NOSTRIN: variants seen among roughly 807,000 people sequenced by gnomAD.
NOSTRIN encodes nitric oxide synthase trafficking, also known as BM247 homolog.
NOSTRIN carries 63 observed loss-of-function variants against 59.0 expected under a neutral mutation model. The ratio of observed to expected loss-of-function variants is 1.07; its 90% CI spans 0.87 to 1.32. NOSTRIN has a LOEUF of 1.32. NOSTRIN is among the 40% of genes most tolerant of loss of function. NOSTRIN has a pLI of 0.00. For missense variants in NOSTRIN, 512 were observed against 473.1 expected (o/e 1.08, Z -0.76); for synonymous variants, 200 against 165.4 (o/e 1.21, Z -1.61).
Position 168,865,117 on chromosome 2 carries a change from A to C in NOSTRIN, c.*147A>C, listed in dbSNP as rs1689783730. ...CATGTCACAGCACTTTGCATTCATG[A>C]TTATTAGCTTGAAACAGTCAGAAAA... On this transcript the variant is annotated 3_prime_UTR_variant, in exon 16 of 16. Coordinates refer to ENST00000317647, the MANE Select transcript of NOSTRIN (RefSeq NM_001039724.4). 9 of 819,482 alleles carry C rather than the reference A, an allele frequency of 1.1e-5. No homozygotes were observed. The highest frequency in any genetic ancestry group is 5.3e-4 in the Middle Eastern group (2 of 3,746). 50.8% of individuals were successfully genotyped at this position (819,482 alleles called of 1,614,324 possible). A position where few individuals can be genotyped will look rare whatever the true frequency, so the allele number is the denominator to read the frequency against.
intron 7 of NOSTRIN, among the ~76,000 whole-genome samples, chr2:168,839,884 C>CAAAAAAAAA (rs58341006): frequency 4.2e-3 from 132 of 31,076 alleles, no homozygotes; most frequent in Middle Eastern, 0.019. Context: ...GACTCCGTCT[C>CAAAAAAAAA]AAAAAAAAAA....
At chr2:168,824,602 T>C (rs1686948814) in intron 2 of NOSTRIN, 32 bp from the exon 3 acceptor site, 3 of 867,598 alleles carry the variant, frequency 3.5e-6, no homozygotes, top group Non-Finnish European at 2.0e-6. Context: ...CCCAGCCCAG[T>C]ACATCCTATT....
At chr2:168,859,447 A>G (rs2105786420) in intron 12 of NOSTRIN, 65 bp from the exon 13 acceptor site, 3 of 1,586,914 alleles carry the variant, frequency 1.9e-6, no homozygotes, top group South Asian at 2.3e-5. Context: ...TTATTCTGAT[A>G]TTCCTATCCA....
rs139754316 is a variant in NOSTRIN, at chr2:168,856,068, C to T, written c.964+608C>T. 9.9e-4 allele frequency: 222 copies of T among 224,870 alleles called. 5 individuals are homozygous for T. The East Asian group carries it at 0.023, about 23-fold the overall frequency. 13.9% of individuals were successfully genotyped at this position (224,870 alleles called of 1,614,324 possible). A position where few individuals can be genotyped will look rare whatever the true frequency, so the allele number is the denominator to read the frequency against. On this transcript the variant is annotated intron_variant, in intron 11 of 15. Coordinates refer to ENST00000317647, the MANE Select transcript of NOSTRIN (RefSeq NM_001039724.4). ...ACATTTAGTGATGTGAATACCATAA[C>T]GAGGAAGAAGCCAACGTTGGGTAAC...
chr2:168,852,790 T>C (rs988019503), intron 10 of NOSTRIN, among the ~76,000 whole-genome samples: 2 of 152,186 alleles, frequency 1.3e-5, no homozygotes, highest in Non-Finnish European at 2.9e-5. Flanking sequence ...TATTTTTTAC[T>C]GAGTCTTTTT....
chr2:168,844,302 T>C (rs1688271064), intron 8 of NOSTRIN, among the ~76,000 whole-genome samples: 1 of 152,160 alleles, frequency 6.6e-6, no homozygotes. Context: ...CCCCAGGCTC[T>C]ACATAAATAT....
At chr2:168,823,612 C>T (rs9287903) in intron 2 of NOSTRIN, among the ~76,000 whole-genome samples, 108,944 of 152,084 alleles carry the variant, frequency 0.72, 39,406 homozygotes, top group East Asian at 0.88. Context: ...GACACATCCA[C>T]TATAGGGTTT....
At chr2:168,840,269 G>A (rs563062425) in intron 7 of NOSTRIN, among the ~76,000 whole-genome samples, 3 of 152,012 alleles carry the variant, frequency 2.0e-5, no homozygotes, top group Non-Finnish European at 4.4e-5. Flanking sequence ...GGTGGCTCAC[G>A]CCTGTAATCC....
chr2:168,850,994 A>C (rs1053294060), intron 8 of NOSTRIN, 90 bp from the exon 9 acceptor site: 17 of 887,330 alleles, frequency 1.9e-5, no homozygotes, highest in Middle Eastern at 2.1e-4. Flanking sequence ...GACTTTGTTC[A>C]GTCTGTCTTC....
Position 168,860,802 on chromosome 2 carries a change from C to T in NOSTRIN, c.1187C>T (p.Thr396Ile). 2 of 1,598,828 alleles carry T rather than the reference C, an allele frequency of 1.3e-6. No individual in the cohort carries two copies. Among genetic ancestry groups the T allele is most frequent in the Non-Finnish European group, 1.7e-6 (2 of 1,166,068 alleles). ...TTTATGTCATTTGAACAGGAGCATA[C>T]TCATAGCTATGTGAAAATATCTCGG... Reference protein sequence around the residue: ...SIFRWREKEHTHSYVKISRPF... With the variant: ...SIFRWREKEHIHSYVKISRPF... Residue 396 changes from threonine (T) to isoleucine (I), a missense_variant, in exon 14 of 16, where the codon ACT becomes ATT. Physicochemically the swap from Thr to Ile is moderately conservative, Grantham distance 89. Transcript: ENST00000317647.
chr2:168,806,175 T>C (rs1685841873), intron 1 of NOSTRIN, among the ~76,000 whole-genome samples: 1 of 152,126 alleles, frequency 6.6e-6, no homozygotes, highest in Non-Finnish European at 1.5e-5. Flanking sequence ...AGTAGCACAG[T>C]GCCTGGCGTA....
chr2:168,836,880 C>T (rs960690606), intron 7 of NOSTRIN, among the ~76,000 whole-genome samples: 5 of 152,186 alleles, frequency 3.3e-5, no homozygotes, highest in African/African-American at 1.2e-4. Context: ...TCCCCACCAG[C>T]CTTCTATAAC....
chr2:168,814,513 CT>C (rs1445412439), intron 2 of NOSTRIN, among the ~76,000 whole-genome samples: 1 of 152,128 alleles, frequency 6.6e-6, no homozygotes, highest in African/African-American at 2.4e-5. Context: ...AGAAAAATAC[CT>C]GGAAAGCCAT....
chr2:168,859,214 C>T (rs1465269983), intron 12 of NOSTRIN: 6 of 245,696 alleles, frequency 2.4e-5, no homozygotes, highest in East Asian at 8.9e-5. Context: ...TCTTGTCCCT[C>T]AGCAGAAAAT....
chr2:168,836,383 C>G (rs1262153717), intron 7 of NOSTRIN, among the ~76,000 whole-genome samples: 3 of 152,358 alleles, frequency 2.0e-5, no homozygotes, highest in Non-Finnish European at 4.4e-5. Flanking sequence ...ACAGTGCTCT[C>G]TCCTCTCCTC....
intron 7 of NOSTRIN, among the ~76,000 whole-genome samples, chr2:168,839,781 G>A (rs1253950749): frequency 3.3e-5 from 5 of 151,128 alleles, no homozygotes; most frequent in African/African-American, 9.7e-5. Flanking sequence ...AGCTACTCGG[G>A]AGGCTGAGGC....
chr2:168,818,422 A>G (rs1686539497), intron 2 of NOSTRIN: 1 of 167,786 alleles, frequency 6.0e-6, no homozygotes, highest in Admixed American at 6.0e-5. Flanking sequence ...TCTGGAGTAG[A>G]TGGGATTAGA....
intron 2 of NOSTRIN, among the ~76,000 whole-genome samples, chr2:168,788,240 C>CAA (rs5836201): frequency 0.011 from 1,368 of 126,850 alleles, 13 homozygotes; most frequent in African/African-American, 0.04. Context: ...GATCCTACCT[C>CAA]AAAAAAAAAA....
chr2:168,792,863 G>A (rs1157261789), intron 2 of NOSTRIN, among the ~76,000 whole-genome samples: 1 of 152,176 alleles, frequency 6.6e-6, no homozygotes, highest in African/African-American at 2.4e-5. Context: ...CAGTCGTTAT[G>A]TATACTCTGC....
Sources: allele counts gnomAD v4.1 joint callset (sites outside exome capture counted in the v4.1 genomes callset), GRCh38; gene constraint gnomAD v4.1.1; transcripts MANE v1.5; gene names NCBI Gene and HGNC (gene_info 2026-07-23, HGNC 2026-07-21).